Variants in KCNH8 observed in about 807,000 individuals in gnomAD.
KCNH8 encodes potassium voltage-gated channel subfamily H member 8.
KCNH8 carries 70 observed loss-of-function variants against 103.6 expected under a neutral mutation model. The observed-to-expected ratio is 0.68, with a 90% CI of 0.56 to 0.82. The LOEUF (loss-of-function observed/expected upper bound fraction) is 0.82, where lower values mean the gene tolerates loss of function less well. Among genes scored for constraint, KCNH8 ranks in the 40% least tolerant of loss-of-function variants. KCNH8 has a pLI of 0.00. For synonymous variants in KCNH8, 498 were observed against 489.4 expected (o/e 1.02, Z -0.23); for missense variants, 1,217 against 1,329.9 (o/e 0.92, Z 1.32).
At chr3:19,391,558 AATC>A (rs1262074477) in intron 6 of KCNH8, 1 of 152,122 alleles carries the variant, frequency 6.6e-6, no homozygotes, top group Non-Finnish European at 1.5e-5. Context: ...TAAACACAAT[AATC>A]ACAGTTTCAA....
At chr3:19,491,315 A>T (rs975625451) in intron 11 of KCNH8, among the ~76,000 whole-genome samples, 1 of 152,118 alleles carries the variant, frequency 6.6e-6, no homozygotes, top group African/African-American at 2.4e-5. Context: ...GTAGATTTTC[A>T]ACCCAGGCCC....
At chr3:19,236,569 G>C (rs1457811767) in intron 1 of KCNH8, among the ~76,000 whole-genome samples, 1 of 152,150 alleles carries the variant, frequency 6.6e-6, no homozygotes, top group Non-Finnish European at 1.5e-5. Context: ...TATTCTTGTA[G>C]TATTAGGTAG....
chr3:19,529,630 A>G (rs961023559), intron 15 of KCNH8, among the ~76,000 whole-genome samples: 25 of 152,182 alleles, frequency 1.6e-4, no homozygotes, highest in African/African-American at 4.1e-4. Flanking sequence ...AGGAAGCAGT[A>G]AACAAAAATG....
At chr3:19,414,032 A>C (rs1383401191) in intron 7 of KCNH8, among the ~76,000 whole-genome samples, 2 of 152,086 alleles carry the variant, frequency 1.3e-5, no homozygotes, top group African/African-American at 4.8e-5. Context: ...GTTTTTTAAG[A>C]TACTTATTCT....
intron 1 of KCNH8, among the ~76,000 whole-genome samples, chr3:19,209,233 A>AT (rs974949632): frequency 6.6e-6 from 1 of 152,034 alleles, no homozygotes; most frequent in African/African-American, 2.4e-5. Flanking sequence ...AGCATTATGC[A>AT]TTTTTTACTT....
chr3:19,469,464 G>A (rs1443599080), intron 11 of KCNH8, among the ~76,000 whole-genome samples: 1 of 152,000 alleles, frequency 6.6e-6, no homozygotes, highest in African/African-American at 2.4e-5. Flanking sequence ...TTTTGAGATG[G>A]AGTCTCGCAG....
At chr3:19,238,102 C>T (rs1344750055) in intron 1 of KCNH8, among the ~76,000 whole-genome samples, 1 of 152,206 alleles carries the variant, frequency 6.6e-6, no homozygotes, top group Non-Finnish European at 1.5e-5. Flanking sequence ...TAGGCTGTTT[C>T]TGCACCTCAT....
At chr3:19,260,501 T>G (rs1339398841) in intron 2 of KCNH8, among the ~76,000 whole-genome samples, 7 of 105,758 alleles carry the variant, frequency 6.6e-5, no homozygotes, top group African/African-American at 1.3e-4. Context: ...TATATATATA[T>G]ATATATATAT....
At chr3:19,454,317 T>C (rs1288694104) in intron 10 of KCNH8, among the ~76,000 whole-genome samples, 1 of 152,080 alleles carries the variant, frequency 6.6e-6, no homozygotes, top group Non-Finnish European at 1.5e-5. Context: ...TATTCTTAAT[T>C]TGTTTCAAAA....
At chr3:19,267,523 AC>A (rs1294302331) in intron 2 of KCNH8, among the ~76,000 whole-genome samples, 2 of 152,102 alleles carry the variant, frequency 1.3e-5, no homozygotes, top group East Asian at 3.9e-4. Context: ...AGCATTTTTA[AC>A]CATTTCTAGT....
rs372451663 is a variant in KCNH8 at position 19,510,405 on chromosome 3, T to C, written c.2079+4T>C. On this transcript the variant is annotated splice_donor_region_variant and intron_variant, in intron 12 of 15. Coordinates refer to ENST00000328405, the MANE Select transcript of KCNH8 (RefSeq NM_144633.3). ...AAACAAATCTATGGTCTCACAGGTA[T>C]GGCTTTTGCTACACAGCAAAATATT... is the stretch of plus-strand genomic sequence containing the variant. 3.8e-5 allele frequency: 59 copies of C among 1,553,594 alleles called. No individual in the cohort carries two copies. The highest frequency in any genetic ancestry group is 5.0e-5 in the Non-Finnish European group (56 of 1,125,202).
Position 19,162,885 on chromosome 3 carries a change from G to A in KCNH8, c.76+14090G>A, listed in dbSNP as rs530445791. Among the ~76,000 whole-genome samples, 26 of 152,126 alleles carry A rather than the reference G, an allele frequency of 1.7e-4. No homozygotes were observed. In the South Asian group the frequency reaches 4.8e-3, roughly 28 times the overall value. On this transcript the variant is annotated intron_variant, in intron 1 of 15. Coordinates refer to ENST00000328405, the MANE Select transcript of KCNH8 (RefSeq NM_144633.3). Reference sequence around the variant, plus strand: ...AAAAAGTATATAATTCAGAATATTCGTAGCATATCAAAATTTGGGGGAAAA... The same window carrying A: ...AAAAAGTATATAATTCAGAATATTCATAGCATATCAAAATTTGGGGGAAAA...
intron 11 of KCNH8, among the ~76,000 whole-genome samples, chr3:19,506,240 G>A (rs2068690369): frequency 6.6e-6 from 1 of 152,134 alleles, no homozygotes. Flanking sequence ...CTGGCTTTTT[G>A]AGCTCCCAGA....
chr3:19,221,843 C>G (rs1233555652), intron 1 of KCNH8, among the ~76,000 whole-genome samples: 6 of 151,086 alleles, frequency 4.0e-5, no homozygotes, highest in Non-Finnish European at 8.8e-5. Context: ...CACTAGCATT[C>G]CTTTTTTTTT....
chr3:19,199,539 A>G (rs1242943342), intron 1 of KCNH8, among the ~76,000 whole-genome samples: 1 of 150,302 alleles, frequency 6.7e-6, no homozygotes, highest in Non-Finnish European at 1.5e-5. Context: ...CATTGCTAGA[A>G]TCAATTCATA....
intron 3 of KCNH8, among the ~76,000 whole-genome samples, chr3:19,292,737 G>A (rs1253843133): frequency 6.6e-6 from 1 of 152,112 alleles, no homozygotes; most frequent in Non-Finnish European, 1.5e-5. Context: ...GTCACCTGAT[G>A]GTTGCAAGAT....
In KCNH8 at chr3:19,155,561, A is replaced by G. The variant is rs185362170; in HGVS notation, c.76+6766A>G. Among the ~76,000 whole-genome samples, 30 of 152,312 alleles carry G rather than the reference A, an allele frequency of 2.0e-4. No homozygotes were observed. In the East Asian group the frequency reaches 5.6e-3, roughly 28 times the overall value. On this transcript the variant is annotated intron_variant, in intron 1 of 15. Transcript: ENST00000328405. The stretch of plus-strand genomic sequence containing the variant: ...CCTGCTGCCTTTTGGATAATGTCCA[A>G]TGTCCTTGGCATCATCTGACCCCAA...
chr3:19,301,699 A>G (rs1164624339), intron 3 of KCNH8, among the ~76,000 whole-genome samples: 1 of 152,150 alleles, frequency 6.6e-6, no homozygotes, highest in Non-Finnish European at 1.5e-5. Flanking sequence ...TTAAGGGCTT[A>G]CTCCCATAAA....
chr3:19,203,463 T>C (rs769353035), intron 1 of KCNH8, among the ~76,000 whole-genome samples: 2 of 152,084 alleles, frequency 1.3e-5, no homozygotes, highest in African/African-American at 2.4e-5. Context: ...CATAATTTGC[T>C]TTTTGCTTAC....
Sources: gnomAD v4.1 joint callset for allele counts (sites outside exome capture counted in the v4.1 genomes callset) on GRCh38, gnomAD v4.1.1 for gene constraint, MANE v1.5 for transcripts, NCBI Gene and HGNC (gene_info 2026-07-23, HGNC 2026-07-21) for gene names.